The following ELP4 variants were observed in gnomAD, a reference collection of about 807,000 sequenced individuals.
ELP4 encodes elongator complex protein 4.
A neutral mutation model predicts 48.9 loss-of-function variants in ELP4; 51 were observed. The observed-to-expected ratio is 1.04, with a 90% CI of 0.83 to 1.32. The LOEUF (loss-of-function observed/expected upper bound fraction) is 1.32, where lower values mean the gene tolerates loss of function less well. Ranked by LOEUF, ELP4 falls within the 40% of genes most tolerant of loss-of-function variation. The pLI is 0.00. For synonymous variants in ELP4, 210 were observed against 189.2 expected (o/e 1.11, Z -0.90); for missense variants, 519 against 514.6 (o/e 1.01, Z -0.08).
At chr11:31,623,166 T>C (rs1342467220) in intron 5 of ELP4, among the ~76,000 whole-genome samples, 2 of 150,538 alleles carry the variant, frequency 1.3e-5, no homozygotes, top group East Asian at 3.9e-4. Context: ...TAATCTTTGT[T>C]GAATGTTTGG....
chr11:31,530,239 T>C (rs1414110462), intron 2 of ELP4, among the ~76,000 whole-genome samples: 2 of 152,168 alleles, frequency 1.3e-5, no homozygotes, highest in Non-Finnish European at 2.9e-5. Context: ...CTAGTGAGAA[T>C]CATGGAAGCA....
At chr11:31,546,853 A>G (rs1228611161) in intron 3 of ELP4, among the ~76,000 whole-genome samples, 1 of 152,214 alleles carries the variant, frequency 6.6e-6, no homozygotes, top group Non-Finnish European at 1.5e-5. Context: ...GCTCAACTGT[A>G]TGGAAACTGA....
intron 2 of ELP4, among the ~76,000 whole-genome samples, chr11:31,533,132 A>G (rs917133704): frequency 6.6e-6 from 1 of 151,974 alleles, no homozygotes; most frequent in African/African-American, 2.4e-5. Context: ...TGGCTTCTTC[A>G]TGTTATCACC....
At chr11:31,523,064 G>A (rs957382823) in intron 2 of ELP4, among the ~76,000 whole-genome samples, 3 of 151,102 alleles carry the variant, frequency 2.0e-5, no homozygotes, top group South Asian at 4.2e-4. Flanking sequence ...GTAGAGATAG[G>A]GCCTTGTTAT....
At chr11:31,567,040 T>G (rs575814597) in intron 3 of ELP4, among the ~76,000 whole-genome samples, 3 of 152,020 alleles carry the variant, frequency 2.0e-5, no homozygotes, top group East Asian at 1.9e-4. Context: ...TTATTTATTT[T>G]TTTTTTCAGC....
chr11:31,722,665 TTC>T (rs71060499), intron 9 of ELP4, among the ~76,000 whole-genome samples: 74,492 of 143,862 alleles, frequency 0.52, 19,232 homozygotes, highest in African/African-American at 0.6. Flanking sequence ...AAGGTGTCTC[TTC>T]TCTCTCTCTC....
intron 9 of ELP4, among the ~76,000 whole-genome samples, chr11:31,660,669 A>G (rs1007747795): frequency 6.6e-6 from 1 of 152,082 alleles, no homozygotes; most frequent in South Asian, 2.1e-4. Flanking sequence ...TAACATATGA[A>G]CCATATTTAA....
At chr11:31,687,891 A>G (rs553955524) in intron 9 of ELP4, among the ~76,000 whole-genome samples, 1 of 152,204 alleles carries the variant, frequency 6.6e-6, no homozygotes, top group African/African-American at 2.4e-5. Flanking sequence ...AAACCAAATT[A>G]AGTATAAATA....
At chr11:31,644,083 C>A (rs1945153324) in intron 7 of ELP4, among the ~76,000 whole-genome samples, 2 of 151,696 alleles carry the variant, frequency 1.3e-5, no homozygotes, top group Non-Finnish European at 2.9e-5. Context: ...TGGCTACTAT[C>A]CAGAGCTGAC....
At chr11:31,613,233 G>A (rs546022975) in intron 5 of ELP4, among the ~76,000 whole-genome samples, 1 of 152,234 alleles carries the variant, frequency 6.6e-6, no homozygotes, top group South Asian at 2.1e-4. Flanking sequence ...ATAAATAGCA[G>A]AATCCTATTT....
chr11:31,739,439 T>C (rs914032361), intron 9 of ELP4, among the ~76,000 whole-genome samples: 3 of 152,180 alleles, frequency 2.0e-5, no homozygotes, highest in Admixed American at 1.3e-4. Flanking sequence ...GATTTTCCCA[T>C]GGTAGACACG....
At position 31,783,469 on chromosome 11, in the gene ELP4, G is replaced by T. The variant is rs77542962; in HGVS notation, c.1220G>T (p.Arg407Leu). ...ATGGATCTGGCAGAATCCGCCAAGC[G>T]GCTGGGCCCAGGCTGTGGCATGATG... Reference protein sequence around the residue: ...SKMDLAESAKRLGPGCGMMAG... With the variant: ...SKMDLAESAKLLGPGCGMMAG... The change falls in exon 10 of 10, where the codon CGG becomes CTG. Residue 407 changes from arginine (R) to leucine (L), a missense_variant. Transcript: ENST00000640961. The T allele has an allele frequency of 1.3e-3, 2,091 of 1,614,098 alleles. 31 individuals are homozygous for T. The African/African-American group carries it at 0.024, about 19-fold the overall frequency.
rs190043828 is a variant in ELP4 at position 31,784,131 on chromosome 11, G to A, written c.*607G>A. On this transcript the variant is annotated 3_prime_UTR_variant, in exon 10 of 10. Transcript: ENST00000640961. The stretch of plus-strand genomic sequence containing the variant: ...GGAAACATAGAAAAAAGAAGTGGAT[G>A]GTCTTTAGTTTAGTAATCCTAAACA... 6.6e-6 allele frequency: 1 copy of A among 152,070 alleles called. No homozygotes were observed. The highest frequency in any genetic ancestry group is 1.5e-5 in the Non-Finnish European group (1 of 67,980). The allele number at this position is 152,070 out of a possible 1,614,324, so 9.4% of individuals were successfully genotyped here. A position where few individuals can be genotyped will look rare whatever the true frequency, so the allele number is the denominator to read the frequency against.
chr11:31,732,396 C>G (rs1361735004), intron 9 of ELP4, among the ~76,000 whole-genome samples: 1 of 150,758 alleles, frequency 6.6e-6, no homozygotes, highest in Non-Finnish European at 1.5e-5. Flanking sequence ...TTTGTGTTAG[C>G]CCCATGGTAA....
chr11:31,626,539 G>A (rs1229825684), intron 5 of ELP4, among the ~76,000 whole-genome samples: 1 of 151,710 alleles, frequency 6.6e-6, no homozygotes, highest in Non-Finnish European at 1.5e-5. Context: ...AATAAATTTG[G>A]TTTTCTTCTT....
At chr11:31,593,227 C>CTGT (rs61458094) in intron 3 of ELP4, among the ~76,000 whole-genome samples, 6,107 of 149,942 alleles carry the variant, frequency 0.041, 205 homozygotes, top group African/African-American at 0.093. Flanking sequence ...GTGAATAATA[C>CTGT]TGTTGTTGTT....
Position 31,728,308 on chromosome 11 carries a change from AT to A in ELP4, c.1144-55079del, listed in dbSNP as rs564143865. ...ATTATAAGCATATATTACTGTTATAATTTTTTCAAAGTTCATAAAAATGTCC... is the reference window on the plus strand; with the variant it reads ...ATTATAAGCATATATTACTGTTATAATTTTTCAAAGTTCATAAAAATGTCC... On this transcript the variant is annotated intron_variant, in intron 9 of 9. Transcript: ENST00000640961. 2.3e-4 allele frequency among the ~76,000 whole-genome samples: 35 copies of A among 152,210 alleles called. 1 individual carries two copies. The South Asian group carries it at 7.1e-3, about 31-fold the overall frequency.
intron 3 of ELP4, among the ~76,000 whole-genome samples, chr11:31,546,206 C>G (rs550797707): frequency 2.0e-5 from 3 of 152,130 alleles, no homozygotes; most frequent in Admixed American, 6.5e-5. Flanking sequence ...GATAAAGAGT[C>G]AAGACCCATC....
intron 3 of ELP4, among the ~76,000 whole-genome samples, chr11:31,578,245 G>C (rs189971695): frequency 2.0e-5 from 3 of 152,276 alleles, no homozygotes; most frequent in African/African-American, 7.2e-5. Context: ...GGATGTGAAG[G>C]ACCTCTTCAA....
Sources: gnomAD v4.1 joint callset for allele counts (sites outside exome capture counted in the v4.1 genomes callset) on GRCh38, gnomAD v4.1.1 for gene constraint, MANE v1.5 for transcripts, NCBI Gene and HGNC (gene_info 2026-07-23, HGNC 2026-07-21) for gene names.